The following ARHGEF9 variants were observed in gnomAD, a reference collection of about 807,000 sequenced individuals.
The protein encoded by ARHGEF9 is Cdc42 guanine nucleotide exchange factor 9.
Under a neutral mutation model 41.3 loss-of-function variants are expected in ARHGEF9, and 2 were observed. The ratio of observed to expected loss-of-function variants is 0.05; its 90% CI spans 0.02 to 0.15. The LOEUF (loss-of-function observed/expected upper bound fraction) is 0.15, where lower values mean the gene tolerates loss of function less well. Among genes scored for constraint, ARHGEF9 ranks in the 10% least tolerant of loss-of-function variants. The pLI, the probability that ARHGEF9 is intolerant of heterozygous loss-of-function variation, is 1.00. For synonymous variants in ARHGEF9, 160 were observed against 154.4 expected, an observed-to-expected ratio of 1.04 and a Z score of -0.27; for missense variants, 225 against 424.7, an observed-to-expected ratio of 0.53 and a Z score of 4.13.
intron 1 of ARHGEF9, among the ~76,000 whole-genome samples, chrX:63,726,225 A>T (rs1258590999): frequency 8.9e-6 from 1 of 112,510 alleles, no homozygotes; most frequent in Non-Finnish European, 1.9e-5. Context: ...CTTTCACAAC[A>T]CCACCTTTCA....
At chrX:63,760,984 A>C (rs1569505678) in intron 1 of ARHGEF9, among the ~76,000 whole-genome samples, 1 of 111,315 alleles carries the variant, frequency 9.0e-6, no homozygotes. Context: ...AATCTATTGA[A>C]CTGCCTTTCA....
intron 2 of ARHGEF9, among the ~76,000 whole-genome samples, chrX:63,715,625 G>A (rs1200110551): frequency 6.3e-5 from 7 of 111,753 alleles, no homozygotes; most frequent in Non-Finnish European, 1.1e-4. Context: ...TCCCTATTGA[G>A]GCTTTTCCCG....
chrX:63,684,740 T>C (rs1454881224), intron 4 of ARHGEF9, among the ~76,000 whole-genome samples: 1 of 109,726 alleles, frequency 9.1e-6, no homozygotes, highest in Non-Finnish European at 1.9e-5. Flanking sequence ...TATATATATA[T>C]TACATATACA....
chrX:63,747,269 T>C (rs1472653650), intron 1 of ARHGEF9, among the ~76,000 whole-genome samples: 1 of 112,172 alleles, frequency 8.9e-6, no homozygotes, highest in African/African-American at 3.2e-5. Context: ...GAGCAGAATC[T>C]TCCCCATCAT....
At chrX:63,644,222 G>T in intron 8 of ARHGEF9, 174 bp from the exon 9 acceptor site, 1 of 379,232 alleles carries the variant, frequency 2.6e-6, no homozygotes, top group Non-Finnish European at 4.5e-6. Flanking sequence ...ATTTCACTAA[G>T]GAAATTTGTC....
chrX:63,721,878 A>AAC (rs782431105), intron 2 of ARHGEF9, among the ~76,000 whole-genome samples: 6 of 110,889 alleles, frequency 5.4e-5, no homozygotes, highest in Non-Finnish European at 1.1e-4. Context: ...AGAACCTGAG[A>AAC]ACACACACAC....
chrX:63,653,327 A>G (rs782638016), intron 8 of ARHGEF9, among the ~76,000 whole-genome samples: 3 of 111,462 alleles, frequency 2.7e-5, no homozygotes, highest in East Asian at 2.8e-4. Flanking sequence ...GCTTTGGCCT[A>G]TGTCCATGGG....
chrX:63,784,418 C>T (rs141118471), intron 1 of ARHGEF9, among the ~76,000 whole-genome samples: 1,136 of 112,816 alleles, frequency 0.01, 9 homozygotes, highest in African/African-American at 0.034. Context: ...CAAGCACACA[C>T]TCCTTGGGAG....
intron 1 of ARHGEF9, among the ~76,000 whole-genome samples, chrX:63,757,848 A>C (rs1556448069): frequency 8.9e-6 from 1 of 112,400 alleles, no homozygotes; most frequent in African/African-American, 3.2e-5. Context: ...CTGCCTTCCT[A>C]TATTGCTGAA....
At chrX:63,760,460 C>T (rs1556449142) in intron 1 of ARHGEF9, among the ~76,000 whole-genome samples, 4 of 111,510 alleles carry the variant, frequency 3.6e-5, no homozygotes, top group South Asian at 7.5e-4. Flanking sequence ...TTCAATAAGC[C>T]CTTATTCTGA....
intron 4 of ARHGEF9, 105 bp from the exon 5 acceptor site, chrX:63,678,677 T>A: frequency 1.9e-6 from 1 of 529,506 alleles, no homozygotes; most frequent in Non-Finnish European, 3.2e-6. Flanking sequence ...AATATTAAAA[T>A]GATAATGAGT....
At chrX:63,654,773 G>A (rs2048778050) in intron 8 of ARHGEF9, among the ~76,000 whole-genome samples, 1 of 111,673 alleles carries the variant, frequency 9.0e-6, no homozygotes, top group Non-Finnish European at 1.9e-5. Context: ...GAATTAACAA[G>A]TCTGGTTGCT....
At chrX:63,774,177 T>C (rs1261450307) in intron 1 of ARHGEF9, among the ~76,000 whole-genome samples, 2 of 110,972 alleles carry the variant, frequency 1.8e-5, no homozygotes, top group Non-Finnish European at 3.8e-5. Context: ...CTCATTTAAT[T>C]GATAAGGATC....
chrX:63,685,306 G>T (rs1169717686), intron 4 of ARHGEF9, among the ~76,000 whole-genome samples: 1 of 110,615 alleles, frequency 9.0e-6, no homozygotes, highest in Non-Finnish European at 1.9e-5. Context: ...AAACAATCCT[G>T]GGAGAAATCA....
intron 3 of ARHGEF9, among the ~76,000 whole-genome samples, chrX:63,700,661 G>A (rs1368029661): frequency 3.6e-5 from 4 of 111,449 alleles, no homozygotes; most frequent in Non-Finnish European, 7.5e-5. Context: ...CAAGAAAATA[G>A]CACACAGCCA....
chrX:63,753,349 A>G lies in ARHGEF9; in HGVS notation c.31-28638T>C, dbSNP rs139939545. Among the ~76,000 whole-genome samples the G allele has an allele frequency of 5.7e-4, 64 of 111,836 alleles. 1 individual carries two copies. The East Asian group carries it at 8.4e-3, about 15-fold the overall frequency. On this transcript the variant is annotated intron_variant, in intron 1 of 9. Transcript: ENST00000671741. ...TTCAGTTTGTTATGGGAATGTTTCA[A>G]TTACAGAGACCTCTGATCTTAAAGT...
chrX:63,766,850 G>A, intron 1 of ARHGEF9: 2 of 310,751 alleles, frequency 6.4e-6, no homozygotes, highest in Non-Finnish European at 1.2e-5. Flanking sequence ...AGTCCCCCAC[G>A]CGGCCCCTCA....
chrX:63,767,307 T>G (rs1556452268), intron 1 of ARHGEF9: 7 of 686,641 alleles, frequency 1.0e-5, no homozygotes, highest in Non-Finnish European at 1.6e-5. Context: ...TAGAAAATTT[T>G]GATGAGGCTT....
intron 1 of ARHGEF9, chrX:63,754,938 G>A (rs1569504826): frequency 2.1e-6 from 2 of 937,513 alleles, no homozygotes; most frequent in Non-Finnish European, 2.6e-6. Context: ...TGGTTCTCCG[G>A]CGCCTGCTCA....
Sources: allele counts gnomAD v4.1 joint callset (sites outside exome capture counted in the v4.1 genomes callset), GRCh38; gene constraint gnomAD v4.1.1; transcripts MANE v1.5; gene names NCBI Gene and HGNC (gene_info 2026-07-23, HGNC 2026-07-21).